GABBR2: variants seen among roughly 807,000 people sequenced by gnomAD.
The protein encoded by GABBR2 is G-protein coupled receptor 51.
A neutral mutation model predicts 105.6 loss-of-function variants in GABBR2; 23 were observed. That is an observed-to-expected ratio of 0.22 (90% CI 0.16 to 0.31). The LOEUF is 0.31. Ranked by LOEUF, GABBR2 falls within the 10% of genes least tolerant of loss-of-function variation. GABBR2 has a pLI of 1.00. For missense variants in GABBR2, 734 were observed against 1,245.5 expected, an observed-to-expected ratio of 0.59 and a Z score of 6.18; for synonymous variants, 478 against 499.7, an observed-to-expected ratio of 0.96 and a Z score of 0.58.
chr9:98,361,772 TC>T (rs1431446158), intron 13 of GABBR2, among the ~76,000 whole-genome samples: 1 of 152,186 alleles, frequency 6.6e-6, no homozygotes, highest in Non-Finnish European at 1.5e-5. Context: ...GTTCTCAATC[TC>T]TTTCCTATAT....
chr9:98,486,785 C>G (rs1242297981), intron 4 of GABBR2, among the ~76,000 whole-genome samples: 1 of 152,196 alleles, frequency 6.6e-6, no homozygotes, highest in Non-Finnish European at 1.5e-5. Flanking sequence ...TCCTGTGCCC[C>G]AACTGTCTGG....
At chr9:98,402,248 C>T (rs1350297117) in intron 8 of GABBR2, among the ~76,000 whole-genome samples, 1 of 152,126 alleles carries the variant, frequency 6.6e-6, no homozygotes, top group Non-Finnish European at 1.5e-5. Flanking sequence ...AGGCTCTAAT[C>T]ACGGCTTCAC....
At position 98,690,363 on chromosome 9, in the gene GABBR2, A is replaced by AT. The variant is rs1459946361; in HGVS notation, c.321+18053dup. The stretch of plus-strand genomic sequence containing the variant: ...CTTTCCCCAGGGCTCCCCCAAAGCC[A>AT]TTACAGCTCTCTTTTGCTAAACACC... On this transcript the variant is annotated intron_variant, in intron 1 of 18. Coordinates refer to ENST00000259455, the MANE Select transcript of GABBR2 (RefSeq NM_005458.8). Among the ~76,000 whole-genome samples the AT allele has an allele frequency of 2.6e-5, 4 of 152,288 alleles. No individual in the cohort carries two copies. In the East Asian group the frequency reaches 7.7e-4, roughly 29 times the overall value.
At chr9:98,479,386 TG>T (rs1245337798) in intron 5 of GABBR2, among the ~76,000 whole-genome samples, 1 of 152,196 alleles carries the variant, frequency 6.6e-6, no homozygotes, top group African/African-American at 2.4e-5. Context: ...GATGAGAAAC[TG>T]GGGCTCAGAG....
chr9:98,583,980 G>C (rs976540020), intron 1 of GABBR2, among the ~76,000 whole-genome samples: 4 of 152,190 alleles, frequency 2.6e-5, no homozygotes, highest in Non-Finnish European at 5.9e-5. Context: ...TTAGTGAGAT[G>C]TTCACTGGGC....
At chr9:98,586,284 C>CT (rs569530376) in intron 1 of GABBR2, among the ~76,000 whole-genome samples, 4,025 of 131,048 alleles carry the variant, frequency 0.031, 54 homozygotes, top group African/African-American at 0.049. Context: ...TCTTTTCTTT[C>CT]TTTTTTTTTT....
At chr9:98,565,170 C>T (rs989172541) in intron 2 of GABBR2, among the ~76,000 whole-genome samples, 1 of 152,192 alleles carries the variant, frequency 6.6e-6, no homozygotes, top group African/African-American at 2.4e-5. Flanking sequence ...CTGGGCCTCA[C>T]TTCCTGCAGA....
chr9:98,465,139 A>G (rs1316156588), intron 6 of GABBR2, among the ~76,000 whole-genome samples: 4 of 149,490 alleles, frequency 2.7e-5, no homozygotes, highest in Non-Finnish European at 5.9e-5. Context: ...AAAAAAAAAA[A>G]AAAAAAAAGA....
At chr9:98,664,977 A>T (rs905267006) in intron 1 of GABBR2, among the ~76,000 whole-genome samples, 2 of 152,122 alleles carry the variant, frequency 1.3e-5, no homozygotes, top group African/African-American at 2.4e-5. Flanking sequence ...ATGAAATTTT[A>T]AAAAATTAGC....
intron 2 of GABBR2, among the ~76,000 whole-genome samples, chr9:98,564,455 G>A (rs542466916): frequency 3.3e-5 from 5 of 152,354 alleles, no homozygotes; most frequent in Middle Eastern, 3.4e-3. Context: ...GTAGACTTGC[G>A]GTTGCAAGCA....
chr9:98,673,682 A>T (rs1479087546), intron 1 of GABBR2, among the ~76,000 whole-genome samples: 1 of 152,168 alleles, frequency 6.6e-6, no homozygotes, highest in Non-Finnish European at 1.5e-5. Flanking sequence ...TGAAAACTTT[A>T]GGTCCCTGAA....
chr9:98,635,848 G>A (rs1019100938), intron 1 of GABBR2, among the ~76,000 whole-genome samples: 2 of 152,170 alleles, frequency 1.3e-5, no homozygotes, highest in African/African-American at 4.8e-5. Context: ...TTTCCCATGA[G>A]ACTGGGCATT....
In GABBR2 at chr9:98,394,214, C is replaced by T. The variant is rs546835197; in HGVS notation, c.1339G>A (p.Asp447Asn). 1.5e-5 allele frequency: 25 copies of T among 1,613,976 alleles called. 1 individual carries two copies. The highest frequency in any genetic ancestry group is 1.4e-4 in the South Asian group (13 of 91,058). ...VKVGEYNAVA[D>N]TLEIINDTIR... ...GTGTCATTGATGATCTCCAGTGTGTCGGCCACAGCGTTGTACTCTCCCACC... is the reference window on the plus strand; with the variant it reads ...GTGTCATTGATGATCTCCAGTGTGTTGGCCACAGCGTTGTACTCTCCCACC... Residue 447 changes from aspartate to asparagine, a missense_variant, in exon 9 of 19, where the codon GAC becomes AAC. Around this residue, in one of 7 missense-constraint regions of GABBR2, gnomAD observed 370 missense variants for 648.9 expected, o/e 0.57. Coordinates refer to ENST00000259455, the MANE Select transcript of GABBR2 (RefSeq NM_005458.8).
chr9:98,353,983 C>G (rs1831445436), intron 13 of GABBR2, among the ~76,000 whole-genome samples: 2 of 152,212 alleles, frequency 1.3e-5, no homozygotes, highest in Admixed American at 6.5e-5. Context: ...TTTCCTGAGG[C>G]CTTCCCAGCA....
intron 1 of GABBR2, among the ~76,000 whole-genome samples, chr9:98,683,078 C>T (rs1166569596): frequency 1.3e-5 from 2 of 152,096 alleles, no homozygotes; most frequent in Non-Finnish European, 2.9e-5. Context: ...GGGGAAGTTA[C>T]TAAACCTCTC....
At chr9:98,309,430 G>A (rs1228683706) in intron 14 of GABBR2, among the ~76,000 whole-genome samples, 1 of 152,218 alleles carries the variant, frequency 6.6e-6, no homozygotes, top group African/African-American at 2.4e-5. Context: ...TATTCAACCA[G>A]GGTCAGGGAG....
At chr9:98,618,353 G>A (rs1829617410) in intron 1 of GABBR2, among the ~76,000 whole-genome samples, 1 of 152,064 alleles carries the variant, frequency 6.6e-6, no homozygotes, top group Non-Finnish European at 1.5e-5. Flanking sequence ...TTTGTGCGCG[G>A]TATTTAATTA....
At chr9:98,393,777 A>G (rs190844372) in intron 9 of GABBR2, among the ~76,000 whole-genome samples, 4 of 152,380 alleles carry the variant, frequency 2.6e-5, no homozygotes, top group African/African-American at 9.6e-5. Flanking sequence ...AGCTGGTTAT[A>G]GAAGCTGAAG....
intron 1 of GABBR2, among the ~76,000 whole-genome samples, chr9:98,656,904 G>A (rs1830191995): frequency 6.6e-6 from 1 of 152,200 alleles, no homozygotes; most frequent in African/African-American, 2.4e-5. Context: ...CTGGGTAGGG[G>A]TGCTGGCAAG....
Sources: allele counts gnomAD v4.1 joint callset (sites outside exome capture counted in the v4.1 genomes callset), GRCh38; gene constraint gnomAD v4.1.1; regional missense constraint gnomAD v4.1.1; transcripts MANE v1.5; gene names NCBI Gene and HGNC (gene_info 2026-07-23, HGNC 2026-07-21).